The following ITIH3 variants were observed in gnomAD, a reference collection of about 807,000 sequenced individuals.
The protein encoded by ITIH3 is inter-alpha-trypsin inhibitor heavy chain 3.
A neutral mutation model predicts 96.5 loss-of-function variants in ITIH3; 81 were observed. That is an observed-to-expected ratio of 0.84 (90% CI 0.70 to 1.01). ITIH3 has a LOEUF of 1.01. Among genes scored for constraint, ITIH3 ranks in the 50% least tolerant of loss-of-function variants. ITIH3 has a pLI of 0.00. For synonymous variants in ITIH3, 422 were observed against 445.2 expected, an observed-to-expected ratio of 0.95 and a Z score of 0.66; for missense variants, 1,057 against 1,139.3, an observed-to-expected ratio of 0.93 and a Z score of 1.04.
chr3:52,804,372 T>G, intron 14 of ITIH3: 1 of 428,370 alleles, frequency 2.3e-6, no homozygotes, highest in Non-Finnish European at 4.2e-6. Context: ...ACCTGGAGAT[T>G]GTTAGGGGAA....
chr3:52,801,486 A>C (rs1207421505), intron 11 of ITIH3, among the ~76,000 whole-genome samples: 3 of 152,186 alleles, frequency 2.0e-5, no homozygotes, highest in Non-Finnish European at 4.4e-5. Flanking sequence ...AAGTGGCTTC[A>C]ATGAGAGAAA....
In ITIH3 at chr3:52,801,103, C is replaced by T; in HGVS notation, c.1340C>T (p.Ala447Val). 2 of 1,602,356 alleles carry T rather than the reference C, an allele frequency of 1.2e-6. No homozygotes were observed. Among genetic ancestry groups the T allele is most frequent in the Non-Finnish European group, 1.7e-6 (2 of 1,174,250 alleles). Residue 447 changes from alanine to valine, a missense_variant, in exon 11 of 22, where the codon GCC becomes GTC. By Grantham distance (64) the Ala-to-Val change is moderately conservative. Coordinates refer to ENST00000449956, the MANE Select transcript of ITIH3 (RefSeq NM_002217.4). ...ENMALENHGF[A>V]RRIYEDSDAD... ...ATGGCCCTGGAGAACCATGGGTTTG[C>T]CCGGCGCATTTATGAGGACTCTGAT... is the stretch of plus-strand genomic sequence containing the variant.
chr3:52,806,336 C>T lies in ITIH3; in HGVS notation c.1986C>T (p.Asp662=), dbSNP rs371159552. The change falls in exon 18 of 22, where the codon GAC becomes GAT. Residue 662 remains aspartate (D), a synonymous_variant. Transcript: ENST00000449956. ...PHFIIQIPEK[D]DALCFNIDEA... ...TCATCATCCAAATTCCGGAGAAAGA[C>T]GATGCCCTCTGCTTCAACATCGATG... 6.8e-6 allele frequency: 11 copies of T among 1,613,974 alleles called. 1 individual carries two copies. Among genetic ancestry groups the T allele is most frequent in the Middle Eastern group, 3.3e-4 (2 of 6,062 alleles).
intron 13 of ITIH3, among the ~76,000 whole-genome samples, chr3:52,803,302 ATTT>A (rs1699907826): frequency 8.4e-6 from 1 of 119,642 alleles, no homozygotes; most frequent in South Asian, 2.8e-4. Flanking sequence ...TTATTTATTT[ATTT>A]ATTTTATTTT....
rs537965858 is a variant in ITIH3 at position 52,808,675 on chromosome 3, G to GT, written c.2671dup (p.Ter891LeufsTer34). The GT allele has an allele frequency of 6.3e-5, 101 of 1,607,080 alleles. No individual in the cohort carries two copies. The South Asian group carries it at 1.1e-3, about 17-fold the overall frequency. On this transcript the variant is annotated frameshift_variant, in exon 22 of 22. Coordinates refer to ENST00000449956, the MANE Select transcript of ITIH3 (RefSeq NM_002217.4). LOFTEE classifies it high-confidence loss of function. Reference sequence around the variant, plus strand: ...ACACTGACTACATTGTCCCCAACCTGTTTTGAGTAGACACACCAGCTCCTG... The same window carrying GT: ...ACACTGACTACATTGTCCCCAACCTGTTTTTGAGTAGACACACCAGCTCCTG...
At chr3:52,800,463 C>G (rs1360805891) in intron 9 of ITIH3, 75 bp from the exon 10 acceptor site, 1 of 1,529,824 alleles carries the variant, frequency 6.5e-7, no homozygotes, top group East Asian at 2.5e-5. Flanking sequence ...CTGTCCCGGC[C>G]TCCTCCGCTC....
chr3:52,796,970 C>T (rs1015277563), intron 4 of ITIH3, 127 bp downstream of exon 4: 20 of 1,244,538 alleles, frequency 1.6e-5, no homozygotes, highest in East Asian at 2.5e-5. Context: ...CATTATCCCA[C>T]GTTGAGGCTG....
Position 52,796,855 on chromosome 3 carries a change from C to T in ITIH3, c.386+12C>T, listed in dbSNP as rs762604806. ...GCCGGCTTGGTCAAGTAAGTATGGACTCCCAGGCCTTGGGGAGAATGTCTG... is the reference window on the plus strand; with the variant it reads ...GCCGGCTTGGTCAAGTAAGTATGGATTCCCAGGCCTTGGGGAGAATGTCTG... On this transcript the variant is annotated intron_variant, in intron 4 of 21. Coordinates refer to ENST00000449956, the MANE Select transcript of ITIH3 (RefSeq NM_002217.4). 1.3e-6 allele frequency: 2 copies of T among 1,560,174 alleles called. No individual in the cohort carries two copies. Among genetic ancestry groups the T allele is most frequent in the Non-Finnish European group, 1.7e-6 (2 of 1,145,768 alleles).
chr3:52,798,113 G>A (rs1414304852), intron 6 of ITIH3, among the ~76,000 whole-genome samples, 183 bp downstream of exon 6: 1 of 152,184 alleles, frequency 6.6e-6, no homozygotes, highest in Non-Finnish European at 1.5e-5. Context: ...GATGCTGAGG[G>A]CAGGGGCTGC....
At chr3:52,800,905 AGCTGGTCTAGACCATCCCCAGG>A in intron 10 of ITIH3, 38 bp from the exon 11 acceptor site, 1 of 1,598,778 alleles carries the variant, frequency 6.3e-7, no homozygotes, top group Non-Finnish European at 8.5e-7. Context: ...CCCCAGACAG[AGCTGGTCTAGACCATCCCCAGG>A]GCTGGGGCTG....
At chr3:52,804,865 C>A (rs2154110271) in intron 15 of ITIH3, 131 bp downstream of exon 15, 1 of 976,264 alleles carries the variant, frequency 1.0e-6, no homozygotes, top group Non-Finnish European at 1.6e-6. Context: ...TCAGGCCCAG[C>A]CCTATTGCCA....
In ITIH3 at chr3:52,796,374, G is replaced by A. The variant is rs539133364; in HGVS notation, c.115-107G>A. Reference sequence around the variant, plus strand: ...ACCTGGAGGATGAGGGTTGCGTGCCGGGCAGGGGCCTCAGAGCCTCCAAGG... The same window carrying A: ...ACCTGGAGGATGAGGGTTGCGTGCCAGGCAGGGGCCTCAGAGCCTCCAAGG... On this transcript the variant is annotated intron_variant, in intron 2 of 21. Coordinates refer to ENST00000449956, the MANE Select transcript of ITIH3 (RefSeq NM_002217.4). The A allele has an allele frequency of 1.1e-3, 1,000 of 938,092 alleles. 1 individual carries two copies. The highest frequency in any genetic ancestry group is 1.4e-3 in the Non-Finnish European group (885 of 616,726). The allele number at this position is 938,092 out of a possible 1,614,324, so 58.1% of individuals were successfully genotyped here.
chr3:52,806,836 C>G, intron 18 of ITIH3, 65 bp from the exon 19 acceptor site: 1 of 1,358,988 alleles, frequency 7.4e-7, no homozygotes, highest in South Asian at 1.3e-5. Flanking sequence ...GAAGGCACAC[C>G]CCTAAAGGCA....
chr3:52,805,881 G>C (rs1700021271), intron 16 of ITIH3, 41 bp downstream of exon 16: 2 of 1,606,506 alleles, frequency 1.2e-6, no homozygotes, highest in Admixed American at 1.7e-5. Context: ...CCACTGCTTA[G>C]AGCCTGCCCC....
intron 6 of ITIH3, 194 bp from the exon 7 acceptor site, chr3:52,798,772 C>CA (rs1223204808): frequency 1.6e-6 from 1 of 615,426 alleles, no homozygotes; most frequent in East Asian, 2.8e-5. Context: ...CAGTGCCTTC[C>CA]AGTGAGTCCT....
intron 12 of ITIH3, 72 bp downstream of exon 12, chr3:52,802,591 G>A: frequency 1.2e-6 from 2 of 1,610,622 alleles, no homozygotes; most frequent in Non-Finnish European, 8.5e-7. Flanking sequence ...GGCCTCATGA[G>A]GGTCCAGGAG....
Position 52,802,404 on chromosome 3 carries a change from T to C in ITIH3, c.1454T>C (p.Leu485Pro), listed in dbSNP as rs1468517789. 1.2e-6 allele frequency: 2 copies of C among 1,613,970 alleles called. No individual in the cohort carries two copies. The highest frequency in any genetic ancestry group is 2.2e-5 in the East Asian group (1 of 44,872). Residue 485 changes from leucine (L) to proline (P), a missense_variant, in exon 12 of 22, where the codon CTG becomes CCG. Transcript: ENST00000449956. ...ATGGAGTACCCCGAGAACGCTATCC[T>C]GGACCTCACCCAGAACACTTACCAG... ...VEMEYPENAI[L>P]DLTQNTYQHF...
At position 52,803,876 on chromosome 3, in the gene ITIH3, GA is replaced by G. The variant is rs1166704964; in HGVS notation, c.1733del (p.Lys578ArgfsTer18). The G allele has an allele frequency of 3.1e-6, 5 of 1,613,912 alleles. No homozygotes were observed. ...EKRKNAHGEE[K>X]ENLTARALDL... ...ACAGCAAGAACGCCCATGGCGAGGAGAAGGAGAACCTCACGGCCCGGGCCCT... is the reference window on the plus strand; with the variant it reads ...ACAGCAAGAACGCCCATGGCGAGGAGAGGAGAACCTCACGGCCCGGGCCCT... On this transcript the variant is annotated frameshift_variant, in exon 14 of 22. Transcript: ENST00000449956. LOFTEE classifies it high-confidence loss of function.
rs779136978 is a variant in ITIH3 at position 52,796,438 on chromosome 3, C to G, written c.115-43C>G. The G allele has an allele frequency of 1.9e-6, 3 of 1,583,702 alleles. No individual in the cohort carries two copies. In the Admixed American group the frequency reaches 5.1e-5, roughly 27 times the overall value. On this transcript the variant is annotated intron_variant, in intron 2 of 21. Transcript: ENST00000449956. ...GTGGCTGGGTTGCAAACCTGCTTCT[C>G]CAGTGTCCCAGTCTGGCTGATTCTC...
Sources: allele counts gnomAD v4.1 joint callset (sites outside exome capture counted in the v4.1 genomes callset), GRCh38; gene constraint gnomAD v4.1.1; transcripts MANE v1.5; gene names NCBI Gene and HGNC (gene_info 2026-07-23, HGNC 2026-07-21).